The following PPFIA2 variants were observed in gnomAD, a reference collection of about 807,000 sequenced individuals.
PPFIA2 encodes the protein liprin-alpha-2.
Under a neutral mutation model 175.5 loss-of-function variants are expected in PPFIA2, and 46 were observed. The ratio of observed to expected loss-of-function variants is 0.26; its 90% CI spans 0.21 to 0.34. The LOEUF (loss-of-function observed/expected upper bound fraction) is 0.34, where lower values mean the gene tolerates loss of function less well. Ranked by LOEUF, PPFIA2 falls within the 10% of genes least tolerant of loss-of-function variation. The probability of loss-of-function intolerance (pLI) is 1.00; values close to 1 mark genes in which losing one functional copy is unlikely to be tolerated. For missense variants in PPFIA2, 1,179 were observed against 1,506.1 expected (o/e 0.78, Z 3.60); for synonymous variants, 568 against 511.4 (o/e 1.11, Z -1.49).
At position 81,308,420 on chromosome 12, in the gene PPFIA2, T is replaced by C. The variant is rs12313760; in HGVS notation, c.2643-9038A>G. On this transcript the variant is annotated intron_variant, in intron 22 of 32. Coordinates refer to ENST00000549396, the MANE Select transcript of PPFIA2 (RefSeq NM_003625.5). ...GAGAACACCGAAGAACAGAGGCCAG[T>C]TGGAGTCATGGAACCGTCGAGGTGC... is the stretch of plus-strand genomic sequence containing the variant. Among the ~76,000 whole-genome samples the C allele has an allele frequency of 9.2e-4, 140 of 152,210 alleles. 1 individual carries two copies. Among genetic ancestry groups the C allele is most frequent in the African/African-American group, 3.1e-3 (130 of 41,528 alleles).
intron 4 of PPFIA2, among the ~76,000 whole-genome samples, chr12:81,495,228 G>A (rs2059907137): frequency 6.6e-6 from 1 of 151,856 alleles, no homozygotes; most frequent in African/African-American, 2.4e-5. Context: ...TCTAAAATTT[G>A]TTATTCTATG....
intron 4 of PPFIA2, among the ~76,000 whole-genome samples, chr12:81,518,627 C>T (rs1288308655): frequency 6.6e-6 from 1 of 151,846 alleles, no homozygotes; most frequent in Non-Finnish European, 1.5e-5. Context: ...TTACTGACAC[C>T]TTCACCTTTC....
At chr12:81,495,854 C>T (rs4240729) in intron 4 of PPFIA2, among the ~76,000 whole-genome samples, 16,293 of 152,008 alleles carry the variant, frequency 0.11, 1,102 homozygotes, top group Middle Eastern at 0.15. Context: ...TATAAGGCTC[C>T]AATTTTAAAA....
chr12:81,411,064 C>T (rs185502233), intron 7 of PPFIA2, among the ~76,000 whole-genome samples: 108 of 152,148 alleles, frequency 7.1e-4, no homozygotes, highest in African/African-American at 2.4e-3. Context: ...CTTGCAAATG[C>T]AGCAGGAAAC....
intron 4 of PPFIA2, among the ~76,000 whole-genome samples, chr12:81,505,271 T>G (rs1359334809): frequency 1.6e-5 from 2 of 127,436 alleles, no homozygotes; most frequent in Non-Finnish European, 3.4e-5. Context: ...AAAGTATAAT[T>G]AAAAAAAAAA....
At chr12:81,656,613 T>A (rs1472309352) in intron 4 of PPFIA2, among the ~76,000 whole-genome samples, 1 of 151,972 alleles carries the variant, frequency 6.6e-6, no homozygotes, top group African/African-American at 2.4e-5. Flanking sequence ...GAAAGAAAAA[T>A]TTTTAAAAAT....
At chr12:81,416,821 C>A (rs998159484) in intron 7 of PPFIA2, among the ~76,000 whole-genome samples, 1 of 151,528 alleles carries the variant, frequency 6.6e-6, no homozygotes, top group Non-Finnish European at 1.5e-5. Context: ...AAAGGAAAAG[C>A]AAAATTAAAG....
chr12:81,718,658 C>T (rs756271625), intron 3 of PPFIA2, among the ~76,000 whole-genome samples: 1 of 151,584 alleles, frequency 6.6e-6, no homozygotes, highest in Non-Finnish European at 1.5e-5. Flanking sequence ...GGATAGAGTT[C>T]TAAAATGTAT....
intron 4 of PPFIA2, among the ~76,000 whole-genome samples, chr12:81,527,847 A>T (rs1259202190): frequency 2.0e-5 from 3 of 152,076 alleles, no homozygotes; most frequent in Non-Finnish European, 4.4e-5. Flanking sequence ...ATATAAGGAC[A>T]CAAGGCACCA....
intron 4 of PPFIA2, among the ~76,000 whole-genome samples, chr12:81,663,614 C>G (rs749521844): frequency 3.3e-5 from 5 of 152,112 alleles, no homozygotes; most frequent in Non-Finnish European, 7.4e-5. Flanking sequence ...CCATACTGCC[C>G]AAGGGAATTT....
intron 18 of PPFIA2, among the ~76,000 whole-genome samples, chr12:81,345,497 T>TCA (rs1025929826): frequency 2.0e-5 from 3 of 151,666 alleles, no homozygotes; most frequent in African/African-American, 4.8e-5. Flanking sequence ...TCTCTGTCTC[T>TCA]CACACACACA....
chr12:81,737,867 T>C (rs909350436), intron 3 of PPFIA2, among the ~76,000 whole-genome samples: 3 of 151,164 alleles, frequency 2.0e-5, no homozygotes, highest in African/African-American at 7.3e-5. Context: ...GTAAGAGGAA[T>C]AGAAAATAAA....
rs1443485582 is a variant in PPFIA2, at chr12:81,384,188, T to C, written c.819A>G (p.Leu273=). The change falls in exon 9 of 33, where the codon CTA becomes CTG. Residue 273 remains leucine, a synonymous_variant. Coordinates refer to ENST00000549396, the MANE Select transcript of PPFIA2 (RefSeq NM_003625.5). Reference sequence around the variant, plus strand: ...AGTTTTGCTTTTCAAGCAATTCTTGTAGTTCAACTATTTGACTAGTTTCAT... The same window carrying C: ...AGTTTTGCTTTTCAAGCAATTCTTGCAGTTCAACTATTTGACTAGTTTCAT... The part of the protein sequence containing the change: ...STDETSQIVE[L]QELLEKQNYE... 2.5e-6 allele frequency: 4 copies of C among 1,609,164 alleles called. No homozygotes were observed. The highest frequency in any genetic ancestry group is 1.6e-4 in the Middle Eastern group (1 of 6,072).
Position 81,267,927 on chromosome 12 carries a change from T to C in PPFIA2, c.3471A>G (p.Pro1157=). The change falls in exon 29 of 33, where the codon CCA becomes CCG. Residue 1157 remains proline, a synonymous_variant. Coordinates refer to ENST00000549396, the MANE Select transcript of PPFIA2 (RefSeq NM_003625.5). ...AGTGACTTGCCTGGGTGTTCTGTGT[T>C]GGAATCTGTAATAATAAAGCTAAGC... ...YSSLALLLQI[P]TQNTQARQIL... 1 of 1,594,616 alleles carries C rather than the reference T, an allele frequency of 6.3e-7. No individual in the cohort carries two copies. Among genetic ancestry groups the C allele is most frequent in the African/African-American group, 1.3e-5 (1 of 74,714 alleles).
intron 4 of PPFIA2, among the ~76,000 whole-genome samples, chr12:81,571,645 C>G (rs1184989142): frequency 6.6e-6 from 1 of 152,116 alleles, no homozygotes; most frequent in Non-Finnish European, 1.5e-5. Flanking sequence ...ACAGAACACA[C>G]AGGGTACACA....
At chr12:81,393,484 A>G in intron 8 of PPFIA2, among the ~76,000 whole-genome samples, 1 of 152,078 alleles carries the variant, frequency 6.6e-6, no homozygotes, top group Middle Eastern at 3.2e-3. Context: ...CATCCCAAGG[A>G]AGAATATTTA....
intron 7 of PPFIA2, among the ~76,000 whole-genome samples, chr12:81,408,014 G>C (rs1348322328): frequency 6.6e-6 from 1 of 152,130 alleles, no homozygotes; most frequent in Non-Finnish European, 1.5e-5. Context: ...ATTATGTGCA[G>C]GGTATTCACT....
intron 8 of PPFIA2, among the ~76,000 whole-genome samples, chr12:81,399,414 A>G (rs1488507228): frequency 1.3e-5 from 2 of 151,828 alleles, no homozygotes; most frequent in Non-Finnish European, 2.9e-5. Flanking sequence ...ACAAGGTCTT[A>G]GTTAACACAC....
chr12:81,599,126 T>C (rs946155424), intron 4 of PPFIA2, among the ~76,000 whole-genome samples: 6 of 151,954 alleles, frequency 3.9e-5, no homozygotes, highest in African/African-American at 1.4e-4. Flanking sequence ...TGACAACTTT[T>C]AGAGGTAAAA....
Sources: allele counts gnomAD v4.1 joint callset (sites outside exome capture counted in the v4.1 genomes callset), GRCh38; gene constraint gnomAD v4.1.1; transcripts MANE v1.5; gene names NCBI Gene and HGNC (gene_info 2026-07-23, HGNC 2026-07-21).